Variants in PCDH7 observed in about 807,000 individuals in gnomAD.
The protein encoded by PCDH7 is protocadherin-7.
PCDH7 carries 17 observed loss-of-function variants against 58.9 expected under a neutral mutation model. The ratio of observed to expected loss-of-function variants is 0.29; its 90% confidence interval spans 0.20 to 0.43. The LOEUF (loss-of-function observed/expected upper bound fraction) is 0.43. PCDH7 is among the 20% of genes least tolerant of loss of function. The pLI is 1.00. For synonymous variants in PCDH7, 664 were observed against 616.4 expected (o/e 1.08, Z -1.14); for missense variants, 1,274 against 1,441.0 (o/e 0.88, Z 1.88).
At chr4:30,757,591 C>T (rs988065524) in intron 1 of PCDH7, among the ~76,000 whole-genome samples, 8 of 152,156 alleles carry the variant, frequency 5.3e-5, no homozygotes, top group Admixed American at 5.2e-4. Flanking sequence ...TTCTCCATTT[C>T]TCAGAAACAC....
At chr4:31,110,166 C>T (rs982178054) in intron 3 of PCDH7, among the ~76,000 whole-genome samples, 5 of 152,182 alleles carry the variant, frequency 3.3e-5, no homozygotes, top group Admixed American at 3.3e-4. Flanking sequence ...CAGTTTTCCG[C>T]TGAGGAAATT....
At chr4:30,796,064 G>A (rs1332752580) in intron 1 of PCDH7, among the ~76,000 whole-genome samples, 2 of 152,124 alleles carry the variant, frequency 1.3e-5, no homozygotes, top group Non-Finnish European at 2.9e-5. Context: ...GATAAAAGGT[G>A]TCAGGCTGTT....
intron 3 of PCDH7, among the ~76,000 whole-genome samples, chr4:31,084,700 G>A (rs1712111927): frequency 9.0e-6 from 1 of 111,658 alleles, no homozygotes; most frequent in Non-Finnish European, 1.9e-5. Context: ...GGAGGGAAGG[G>A]GAAAAGGGAG....
At chr4:30,941,924 T>A (rs1746089257) in intron 2 of PCDH7, among the ~76,000 whole-genome samples, 1 of 151,974 alleles carries the variant, frequency 6.6e-6, no homozygotes, top group African/African-American at 2.4e-5. Flanking sequence ...GGTTTAAGTT[T>A]TAAGATATGT....
chr4:30,771,200 G>A (rs914280412), intron 1 of PCDH7, among the ~76,000 whole-genome samples: 10 of 152,020 alleles, frequency 6.6e-5, no homozygotes, highest in Admixed American at 3.9e-4. Context: ...TATTTTGAAC[G>A]AATTCATAAT....
intron 1 of PCDH7, among the ~76,000 whole-genome samples, chr4:30,827,081 G>A (rs77929389): frequency 0.024 from 3,581 of 152,222 alleles, 209 homozygotes; most frequent in East Asian, 0.22. Flanking sequence ...CAAATGCAAA[G>A]AAAGTCCACA....
chr4:30,928,281 A>T (rs901035974), intron 2 of PCDH7, among the ~76,000 whole-genome samples: 1 of 152,202 alleles, frequency 6.6e-6, no homozygotes, highest in African/African-American at 2.4e-5. Flanking sequence ...ATTTTATCTC[A>T]ATATTCCTCT....
At chr4:30,797,267 T>TGTTTG (rs554959778) in intron 1 of PCDH7, among the ~76,000 whole-genome samples, 403 of 151,176 alleles carry the variant, frequency 2.7e-3, no homozygotes, top group African/African-American at 9.4e-3. Flanking sequence ...TGTTTGGTTT[T>TGTTTG]GTTTGGTTTG....
intron 3 of PCDH7, among the ~76,000 whole-genome samples, chr4:30,971,590 CCT>C (rs776533458): frequency 1.3e-5 from 2 of 152,124 alleles, no homozygotes; most frequent in East Asian, 1.9e-4. Flanking sequence ...AGAATTAACC[CCT>C]CTCTCCCTGT....
intron 1 of PCDH7, among the ~76,000 whole-genome samples, chr4:30,753,812 A>G (rs534670420): frequency 6.6e-6 from 1 of 152,190 alleles, no homozygotes; most frequent in Non-Finnish European, 1.5e-5. Flanking sequence ...CCTCCCAAAA[A>G]AATAATTACC....
At chr4:30,834,744 T>C (rs1428445678) in intron 1 of PCDH7, among the ~76,000 whole-genome samples, 3 of 152,018 alleles carry the variant, frequency 2.0e-5, no homozygotes, top group East Asian at 3.9e-4. Flanking sequence ...TGCATAGTCA[T>C]ATGTCTGAGG....
chr4:30,911,403 G>A (rs1227313200), intron 1 of PCDH7, among the ~76,000 whole-genome samples: 2 of 145,488 alleles, frequency 1.4e-5, no homozygotes, highest in East Asian at 2.0e-4. Context: ...TTTACACTCC[G>A]TTGGCAAAGC....
At chr4:31,039,865 A>C (rs565927713) in intron 3 of PCDH7, among the ~76,000 whole-genome samples, 5 of 152,118 alleles carry the variant, frequency 3.3e-5, no homozygotes, top group African/African-American at 1.2e-4. Flanking sequence ...AAAATAGGTA[A>C]ATTTAATTAA....
At chr4:31,027,410 G>A (rs1754524313) in intron 3 of PCDH7, among the ~76,000 whole-genome samples, 1 of 151,828 alleles carries the variant, frequency 6.6e-6, no homozygotes, top group Non-Finnish European at 1.5e-5. Flanking sequence ...GTGTATGTAT[G>A]TTATTATATT....
intron 3 of PCDH7, among the ~76,000 whole-genome samples, chr4:31,111,893 C>G (rs560736094): frequency 1.1e-3 from 169 of 152,240 alleles, no homozygotes; most frequent in African/African-American, 3.6e-3. Context: ...AGTTCAAATC[C>G]AGCCTGGAGC....
chr4:31,050,248 G>A (rs1756626059), intron 3 of PCDH7, among the ~76,000 whole-genome samples: 2 of 152,066 alleles, frequency 1.3e-5, no homozygotes. Context: ...TCAATTTCGA[G>A]AAAAAACTTA....
At chr4:30,762,285 CATT>C (rs1450280181) in intron 1 of PCDH7, among the ~76,000 whole-genome samples, 1 of 151,916 alleles carries the variant, frequency 6.6e-6, no homozygotes, top group East Asian at 1.9e-4. Context: ...CAATAGGAAA[CATT>C]ATAACAAATA....
chr4:30,885,548 G>A (rs1233159423), intron 1 of PCDH7, among the ~76,000 whole-genome samples: 1 of 152,014 alleles, frequency 6.6e-6, no homozygotes, highest in Non-Finnish European at 1.5e-5. Flanking sequence ...GCATGTGTGT[G>A]CAGTTTAAAA....
chr4:31,035,411 G>A (rs1207548754), intron 3 of PCDH7, among the ~76,000 whole-genome samples: 9 of 151,914 alleles, frequency 5.9e-5, no homozygotes, highest in African/African-American at 1.4e-4. Context: ...GTGCCACCAC[G>A]CCCGGCTAAT....
Sources: allele counts gnomAD v4.1 joint callset (sites outside exome capture counted in the v4.1 genomes callset), GRCh38; gene constraint gnomAD v4.1.1; transcripts MANE v1.5; gene names NCBI Gene and HGNC (gene_info 2026-07-23, HGNC 2026-07-21).